Variants in TRPV3 observed in about 807,000 individuals in gnomAD.
TRPV3 encodes the protein transient receptor potential cation channel subfamily V member 3.
Under a neutral mutation model 87.1 loss-of-function variants are expected in TRPV3, and 88 were observed. The observed-to-expected ratio is 1.01, with a 90% CI of 0.85 to 1.21. TRPV3 has a LOEUF of 1.21. Among genes scored for constraint, TRPV3 ranks in the 50% most tolerant of loss-of-function variants. The probability of loss-of-function intolerance (pLI) is 0.00; values close to 1 mark genes in which losing one functional copy is unlikely to be tolerated. For synonymous variants in TRPV3, 438 were observed against 423.3 expected, an observed-to-expected ratio of 1.03 and a Z score of -0.43; for missense variants, 1,054 against 1,030.1, an observed-to-expected ratio of 1.02 and a Z score of -0.32.
At chr17:3,521,185 T>G (rs986743885) in intron 13 of TRPV3, 146 bp from the exon 14 acceptor site, 2 of 444,730 alleles carry the variant, frequency 4.5e-6, no homozygotes, top group Non-Finnish European at 8.3e-6. Context: ...CAAATCCTCC[T>G]GATGCTCCAA....
chr17:3,543,421 GA>G, intron 5 of TRPV3, 52 bp downstream of exon 5: 1 of 1,596,666 alleles, frequency 6.3e-7, no homozygotes, highest in Non-Finnish European at 8.5e-7. Flanking sequence ...ATGGGCACCA[GA>G]AGCCAAGCAG....
chr17:3,519,639 T>C (rs981473054), intron 14 of TRPV3, among the ~76,000 whole-genome samples: 2 of 147,514 alleles, frequency 1.4e-5, no homozygotes, highest in Non-Finnish European at 3.0e-5. Context: ...GATGATTAGA[T>C]GGATGATTAG....
At chr17:3,540,217 C>T (rs2074446109) in intron 6 of TRPV3, among the ~76,000 whole-genome samples, 1 of 152,078 alleles carries the variant, frequency 6.6e-6, no homozygotes, top group Non-Finnish European at 1.5e-5. Flanking sequence ...TCAGAGTGGT[C>T]ACCTTGGGTC....
At chr17:3,532,308 C>T (rs1597478846) in intron 8 of TRPV3, among the ~76,000 whole-genome samples, 1 of 152,242 alleles carries the variant, frequency 6.6e-6, no homozygotes, top group Middle Eastern at 3.2e-3. Context: ...CTGGAACTCC[C>T]GTCCTCGTGA....
rs1489956417 is a variant in TRPV3 at position 3,514,323 on chromosome 17, C to T, written c.2278+270G>A. ...CAAACTCCTGACCTCAGGTGATTCA[C>T]CCGACTCGTCCTCCCAAAGTGCTGG... On this transcript the variant is annotated intron_variant, in intron 17 of 17. Coordinates refer to ENST00000576742, the MANE Select transcript of TRPV3 (RefSeq NM_145068.4). 7.7e-6 allele frequency: 4 copies of T among 517,580 alleles called. No individual in the cohort carries two copies. The East Asian group carries it at 1.4e-4, about 18-fold the overall frequency. The allele number at this position is 517,580 out of a possible 1,614,324, so 32.1% of individuals were successfully genotyped here.
intron 2 of TRPV3, among the ~76,000 whole-genome samples, chr17:3,545,651 A>G (rs2074516865): frequency 6.6e-6 from 1 of 151,948 alleles, no homozygotes. Flanking sequence ...CAATATTTAA[A>G]GGTGAAAAGT....
rs764309619 is a variant in TRPV3, at chr17:3,510,623, TA to T, written c.*3293del. On this transcript the variant is annotated 3_prime_UTR_variant, in exon 18 of 18. Transcript: ENST00000576742. ...TAGAGTTTCGCACACACATACACAC[TA>T]AGAACAAGTAGGTAAATGAGAATTT... 4.6e-5 allele frequency: 7 copies of T among 152,194 alleles called. No homozygotes were observed. The highest frequency in any genetic ancestry group is 7.2e-5 in the African/African-American group (3 of 41,436). 9.4% of individuals were successfully genotyped at this position (152,194 alleles called of 1,614,324 possible). A position where few individuals can be genotyped will look rare whatever the true frequency, so the allele number is the denominator to read the frequency against.
rs79642268 is a variant in TRPV3, at chr17:3,547,188, C to A, written c.120-1917G>T. On this transcript the variant is annotated intron_variant, in intron 2 of 17. Coordinates refer to ENST00000576742, the MANE Select transcript of TRPV3 (RefSeq NM_145068.4). ...CAGGCCTCAGGTCTGAAGTCAGACG[C>A]CTTCTGAGGGGCCGTCCCTAGACTC... Among the ~76,000 whole-genome samples, 281 of 152,298 alleles carry A rather than the reference C, an allele frequency of 1.8e-3. 2 individuals are homozygous for A. The East Asian group carries it at 0.03, about 17-fold the overall frequency.
At chr17:3,519,911 TG>T (rs1567630957) in intron 14 of TRPV3, among the ~76,000 whole-genome samples, 54 of 147,074 alleles carry the variant, frequency 3.7e-4, no homozygotes, top group African/African-American at 1.3e-3. Flanking sequence ...ATTAGATGGA[TG>T]GATGGATGGA....
At chr17:3,525,397 T>C (rs1245587258) in intron 12 of TRPV3, among the ~76,000 whole-genome samples, 1 of 151,910 alleles carries the variant, frequency 6.6e-6, no homozygotes, top group Non-Finnish European at 1.5e-5. Flanking sequence ...CCTAAAATAG[T>C]CCAATTCACA....
At chr17:3,514,072 T>C in intron 17 of TRPV3, 61 bp from the exon 18 acceptor site, 1 of 1,406,976 alleles carries the variant, frequency 7.1e-7, no homozygotes, top group Middle Eastern at 2.2e-4. Flanking sequence ...TGTTTCTTTT[T>C]TCTTTTTCTT....
At chr17:3,515,841 T>G (rs2074177987) in intron 16 of TRPV3, among the ~76,000 whole-genome samples, 1 of 152,012 alleles carries the variant, frequency 6.6e-6, no homozygotes, top group Non-Finnish European at 1.5e-5. Context: ...CAGGCAGATC[T>G]TCCCTAAACC....
At chr17:3,540,570 T>C (rs1284998062) in intron 6 of TRPV3, among the ~76,000 whole-genome samples, 1 of 152,180 alleles carries the variant, frequency 6.6e-6, no homozygotes, top group African/African-American at 2.4e-5. Context: ...AAATATGTAC[T>C]AAGCGTCTCT....
At chr17:3,524,102 C>T (rs1433743940) in intron 13 of TRPV3, 96 bp downstream of exon 13, 6 of 1,502,336 alleles carry the variant, frequency 4.0e-6, no homozygotes, top group Non-Finnish European at 5.4e-6. Context: ...TGACCTGCCC[C>T]TTGGTAAACC....
rs1191850547 is a variant in TRPV3 at position 3,526,885 on chromosome 17, T to C, written c.1546A>G (p.Ile516Val). The change falls in exon 12 of 18, where the codon ATC (isoleucine) becomes GTC (valine). Residue 516 changes from isoleucine (I) to valine (V), a missense_variant. Ile to Val is a conservative substitution (Grantham distance 29). Coordinates refer to ENST00000576742, the MANE Select transcript of TRPV3 (RefSeq NM_145068.4). Reference sequence around the variant, plus strand: ...AAGTGGAACCAGGCATCCGAGAGGATGGACTGCAGATCCGAGGGTCTCAGC... The same window carrying C: ...AAGTGGAACCAGGCATCCGAGAGGACGGACTGCAGATCCGAGGGTCTCAGC... Reference protein sequence around the residue: ...FLLRPSDLQSILSDAWFHFVF... With the variant: ...FLLRPSDLQSVLSDAWFHFVF... 24 of 1,612,066 alleles carry C rather than the reference T, an allele frequency of 1.5e-5. No individual in the cohort carries two copies. Among genetic ancestry groups the C allele is most frequent in the Non-Finnish European group, 1.7e-5 (20 of 1,179,346 alleles).
chr17:3,552,360 AT>A (rs567966365), intron 2 of TRPV3: 160 of 145,738 alleles, frequency 1.1e-3, no homozygotes, highest in South Asian at 3.7e-3. Flanking sequence ...CACCCGGCTA[AT>A]TTTTGTATTT....
rs762372643 is a variant in TRPV3, at chr17:3,528,788, C to A, written c.1401+49G>T. 3.7e-5 allele frequency: 60 copies of A among 1,608,668 alleles called. No individual in the cohort carries two copies. The Admixed American group carries it at 4.9e-4, about 13-fold the overall frequency. The stretch of plus-strand genomic sequence containing the variant: ...ACCTGCACGTGGGGCAGCTCCAAGC[C>A]CCTCCAGCTCTGACGGCCCCATTTT... On this transcript the variant is annotated intron_variant, in intron 10 of 17. Transcript: ENST00000576742. This position sits in a 1 kb window ranked among gnomAD's most constrained non-coding sequence, Gnocchi z 4.2.
At chr17:3,527,928 C>T (rs2074314120) in intron 11 of TRPV3, 97 bp downstream of exon 11, 1 of 985,932 alleles carries the variant, frequency 1.0e-6, no homozygotes, top group South Asian at 1.3e-5. Context: ...AACGCCTCCC[C>T]AGAACCCCCC....
intron 16 of TRPV3, among the ~76,000 whole-genome samples, chr17:3,515,419 G>T (rs2150777818): frequency 6.6e-6 from 1 of 152,270 alleles, no homozygotes; most frequent in East Asian, 1.9e-4. Flanking sequence ...CCAGCACTTT[G>T]GGAGGCCGAG....
Sources: allele counts gnomAD v4.1 joint callset (sites outside exome capture counted in the v4.1 genomes callset), GRCh38; gene constraint gnomAD v4.1.1; non-coding constraint Gnocchi (gnomAD v3.1); transcripts MANE v1.5; gene names NCBI Gene and HGNC (gene_info 2026-07-23, HGNC 2026-07-21).